The following OR3A2 variants were observed in gnomAD, a reference collection of about 807,000 sequenced individuals.
OR3A2 encodes the protein olfactory receptor family 3 subfamily A member 2.
For missense variants in OR3A2, 318 were observed against 392.8 expected, an observed-to-expected ratio of 0.81 and a Z score of 1.61; for synonymous variants, 126 against 159.3, an observed-to-expected ratio of 0.79 and a Z score of 1.57.
Position 3,311,578 on chromosome 17 carries a change from A to G in OR3A2, c.-85+24455T>C, listed in dbSNP as rs1026571066. ...GCTCTCTTGCTCCAGCATCCACCTC[A>G]ATGGGCAGCTGCTGCTTGTGGGGGC... On this transcript the variant is annotated intron_variant, in intron 3 of 4. Transcript: ENST00000573491. This position sits in a 1 kb window ranked among gnomAD's most constrained non-coding sequence, Gnocchi z 4.6. The G allele has an allele frequency of 5.3e-5, 22 of 413,564 alleles. No individual in the cohort carries two copies. In the East Asian group the frequency reaches 1.2e-3, roughly 22 times the overall value. The allele number at this position is 413,564 out of a possible 1,614,324, so 25.6% of individuals were successfully genotyped here.
At chr17:3,314,839 CCTT>C (rs1222141572) in intron 3 of OR3A2, among the ~76,000 whole-genome samples, 2 of 152,156 alleles carry the variant, frequency 1.3e-5, no homozygotes, top group Non-Finnish European at 2.9e-5. Context: ...TTAATCCACA[CCTT>C]CTCCCTCCTC....
At chr17:3,370,027 C>T (rs914027555) in intron 2 of OR3A2, among the ~76,000 whole-genome samples, 7 of 152,144 alleles carry the variant, frequency 4.6e-5, no homozygotes, top group Admixed American at 3.9e-4. Context: ...TGGTCTCGAA[C>T]TCATGAGCTC....
chr17:3,280,273 A>ATTT lies in OR3A2; in HGVS notation c.-6-1353_-6-1351dup, dbSNP rs200615690. On this transcript the variant is annotated intron_variant, in intron 1 of 1. Coordinates refer to ENST00000642052, the Ensembl canonical transcript of OR3A2. ...AAACCACGCTGAAGTCATTTTTCAG[A>ATTT]TTTTTTTTTTTTTTTTGAGACAGAG... Among the ~76,000 whole-genome samples, 177 of 141,318 alleles carry ATTT rather than the reference A, an allele frequency of 1.3e-3. 1 individual carries two copies. Among genetic ancestry groups the ATTT allele is most frequent in the African/African-American group, 4.1e-3 (158 of 38,588 alleles). 92.7% of individuals were successfully genotyped at this position (141,318 alleles called of 152,430 possible). A position where few individuals can be genotyped will look rare whatever the true frequency, so the allele number is the denominator to read the frequency against.
intron 2 of OR3A2, among the ~76,000 whole-genome samples, chr17:3,381,060 G>A (rs58826790): frequency 0.012 from 1,786 of 152,106 alleles, 38 homozygotes; most frequent in African/African-American, 0.04. Flanking sequence ...TCTAGTGCAC[G>A]GATCTCTGTA....
At chr17:3,296,718 A>C (rs1004083608) in intron 3 of OR3A2, among the ~76,000 whole-genome samples, 1 of 152,206 alleles carries the variant, frequency 6.6e-6, no homozygotes, top group African/African-American at 2.4e-5. Context: ...ATCATGTGAA[A>C]ACTTGCTCGA....
chr17:3,346,633 C>A (rs1184609157), intron 2 of OR3A2, among the ~76,000 whole-genome samples: 1 of 151,908 alleles, frequency 6.6e-6, no homozygotes, highest in Non-Finnish European at 1.5e-5. Flanking sequence ...AGTTCTTATT[C>A]ACTCTTTCCA....
intron 2 of OR3A2, among the ~76,000 whole-genome samples, chr17:3,345,434 G>A (rs1015720533): frequency 2.2e-5 from 2 of 90,894 alleles, no homozygotes; most frequent in East Asian, 2.6e-3. Context: ...GAGAGAGAGA[G>A]AGAGATAGAG....
At chr17:3,278,259 G>C (rs777678188) in exon 2 of OR3A2, 2 of 1,614,196 alleles carry the variant, frequency 1.2e-6, no homozygotes, top group South Asian at 2.2e-5. Context: ...GTGGCTGTAG[G>C]CAGTGATGAT....
chr17:3,329,611 T>C (rs1300795199), intron 3 of OR3A2, among the ~76,000 whole-genome samples: 1 of 141,766 alleles, frequency 7.1e-6, no homozygotes, highest in Non-Finnish European at 1.5e-5. Flanking sequence ...TTTTTTTCTT[T>C]ATTAGTCTTG....
chr17:3,281,977 ACT>A (rs1237037610), intron 1 of OR3A2, among the ~76,000 whole-genome samples: 1 of 151,810 alleles, frequency 6.6e-6, no homozygotes, highest in Non-Finnish European at 1.5e-5. Context: ...AGGACAGAGA[ACT>A]CTGCCAGATT....
At chr17:3,368,323 G>A (rs2049582406) in intron 2 of OR3A2, among the ~76,000 whole-genome samples, 2 of 152,166 alleles carry the variant, frequency 1.3e-5, no homozygotes, top group Admixed American at 6.5e-5. Context: ...CCAATGTCTA[G>A]AAGAGTTTTT....
intron 2 of OR3A2, among the ~76,000 whole-genome samples, chr17:3,340,534 T>G (rs1293717088): frequency 6.6e-6 from 1 of 152,250 alleles, no homozygotes; most frequent in Non-Finnish European, 1.5e-5. Flanking sequence ...TATCCAGTAG[T>G]CATTCAGGAG....
intron 3 of OR3A2, among the ~76,000 whole-genome samples, chr17:3,323,266 A>C (rs920053013): frequency 3.3e-5 from 5 of 152,052 alleles, no homozygotes; most frequent in African/African-American, 1.2e-4. Flanking sequence ...GTGTCTCTGC[A>C]CGTGAGATGG....
intron 3 of OR3A2, among the ~76,000 whole-genome samples, chr17:3,329,194 C>T (rs557913673): frequency 0.15 from 22,609 of 151,478 alleles, 2,281 homozygotes; most frequent in African/African-American, 0.28. Flanking sequence ...TGACTCTGCC[C>T]GGCTTTGGTA....
chr17:3,341,782 C>A (rs230441), intron 2 of OR3A2, among the ~76,000 whole-genome samples: 1 of 151,934 alleles, frequency 6.6e-6, no homozygotes, highest in South Asian at 2.1e-4. Flanking sequence ...GTGGTGTTCT[C>A]TGTATTTCCT....
intron 3 of OR3A2, among the ~76,000 whole-genome samples, chr17:3,293,177 G>C (rs2048891287): frequency 6.6e-6 from 1 of 150,882 alleles, no homozygotes; most frequent in Admixed American, 6.6e-5. Flanking sequence ...GGGTGGGTAG[G>C]GGGAGGCAAT....
At chr17:3,356,591 T>C (rs1203909420) in intron 2 of OR3A2, among the ~76,000 whole-genome samples, 1 of 151,366 alleles carries the variant, frequency 6.6e-6, no homozygotes, top group Non-Finnish European at 1.5e-5. Flanking sequence ...ATAATAATAA[T>C]GAGATAACTT....
Position 3,280,063 on chromosome 17 carries a change from T to C in OR3A2, c.-6-1140A>G, listed in dbSNP as rs192959506. 9.7e-4 allele frequency among the ~76,000 whole-genome samples: 147 copies of C among 152,288 alleles called. 2 individuals are homozygous for C. The highest frequency in any genetic ancestry group is 1.6e-3 in the Non-Finnish European group (109 of 68,014). ...TACTGTAAAATGATGTTTTTCTGTG[T>C]GTATTATCTGCTATTCCTCTCTAAA... On this transcript the variant is annotated intron_variant, in intron 1 of 1. Transcript: ENST00000642052.
At chr17:3,324,608 G>T (rs543976441) in intron 3 of OR3A2, among the ~76,000 whole-genome samples, 124 of 152,224 alleles carry the variant, frequency 8.1e-4, no homozygotes, top group Non-Finnish European at 1.8e-4. Flanking sequence ...GTCTGTTGGA[G>T]TTTGCTAGAG....
Sources: allele counts gnomAD v4.1 joint callset (sites outside exome capture counted in the v4.1 genomes callset), GRCh38; gene constraint gnomAD v4.1.1; non-coding constraint Gnocchi (gnomAD v3.1); transcripts MANE v1.5; gene names NCBI Gene and HGNC (gene_info 2026-07-23, HGNC 2026-07-21).